The following IMMP2L variants were observed in gnomAD, a reference collection of about 807,000 sequenced individuals.
The protein encoded by IMMP2L is inner mitochondrial membrane peptidase subunit 2.
A neutral mutation model predicts 19.3 loss-of-function variants in IMMP2L; 18 were observed. The ratio of observed to expected loss-of-function variants is 0.93; its 90% CI spans 0.64 to 1.38. The LOEUF (loss-of-function observed/expected upper bound fraction) is 1.38, where lower values mean the gene tolerates loss of function less well. IMMP2L is among the 40% of genes most tolerant of loss of function. The pLI is 0.00. For synonymous variants in IMMP2L, 76 were observed against 73.0 expected, an observed-to-expected ratio of 1.04 and a Z score of -0.21; for missense variants, 233 against 218.2, an observed-to-expected ratio of 1.07 and a Z score of -0.43.
At chr7:111,234,766 T>A (rs988393150) in intron 3 of IMMP2L, among the ~76,000 whole-genome samples, 5 of 152,100 alleles carry the variant, frequency 3.3e-5, no homozygotes, top group Admixed American at 3.3e-4. Flanking sequence ...TTTATACCTT[T>A]AATTTATCAT....
intron 3 of IMMP2L, among the ~76,000 whole-genome samples, chr7:111,052,468 G>A (rs2129573078): frequency 6.6e-6 from 1 of 152,172 alleles, no homozygotes; most frequent in Admixed American, 6.5e-5. Context: ...TCAACCAATT[G>A]CCAATCAGAA....
At chr7:110,865,830 C>T (rs943227109) in intron 5 of IMMP2L, among the ~76,000 whole-genome samples, 2 of 151,758 alleles carry the variant, frequency 1.3e-5, no homozygotes, top group African/African-American at 4.9e-5. Context: ...AAGAACCCTA[C>T]CTTTATTCTC....
At chr7:111,018,649 T>G (rs1825946312) in intron 3 of IMMP2L, among the ~76,000 whole-genome samples, 2 of 152,042 alleles carry the variant, frequency 1.3e-5, no homozygotes, top group African/African-American at 2.4e-5. Context: ...ATTGTTCCCA[T>G]TTCTCGTATA....
intron 3 of IMMP2L, among the ~76,000 whole-genome samples, chr7:111,437,403 C>T (rs1837286525): frequency 6.6e-6 from 1 of 151,836 alleles, no homozygotes; most frequent in Non-Finnish European, 1.5e-5. Context: ...CGAGATCACG[C>T]CCATTGCCCC....
intron 5 of IMMP2L, among the ~76,000 whole-genome samples, chr7:110,788,594 G>A (rs1484924725): frequency 2.0e-5 from 3 of 151,664 alleles, no homozygotes; most frequent in Non-Finnish European, 4.4e-5. Flanking sequence ...TACATCTGTA[G>A]CATAGAACCC....
At chr7:111,506,197 A>AAATAATAAT (rs543586226) in intron 2 of IMMP2L, among the ~76,000 whole-genome samples, 29 of 149,444 alleles carry the variant, frequency 1.9e-4, no homozygotes, top group African/African-American at 5.9e-4. Context: ...TGTCTCTTTA[A>AAATAATAAT]AATAATAATA....
At chr7:111,173,915 A>G (rs1440094670) in intron 3 of IMMP2L, among the ~76,000 whole-genome samples, 2 of 151,748 alleles carry the variant, frequency 1.3e-5, no homozygotes, top group Non-Finnish European at 3.0e-5. Context: ...TGTTGTTCTA[A>G]AAGTATCTAC....
At chr7:111,323,859 G>A (rs1825022410) in intron 3 of IMMP2L, among the ~76,000 whole-genome samples, 1 of 152,182 alleles carries the variant, frequency 6.6e-6, no homozygotes, top group Non-Finnish European at 1.5e-5. Context: ...GATGAAGCTG[G>A]AAACCATCAT....
At chr7:111,258,552 G>T (rs550311681) in intron 3 of IMMP2L, among the ~76,000 whole-genome samples, 36 of 151,976 alleles carry the variant, frequency 2.4e-4, no homozygotes, top group African/African-American at 8.7e-4. Context: ...TGTCGCCCAG[G>T]CTGGAATGCA....
intron 5 of IMMP2L, among the ~76,000 whole-genome samples, chr7:110,817,559 T>G (rs1220653413): frequency 6.6e-6 from 1 of 152,112 alleles, no homozygotes; most frequent in African/African-American, 2.4e-5. Context: ...ATAGATTCCA[T>G]GCCATCCCCG....
intron 3 of IMMP2L, 22 bp from the exon 4 acceptor site, chr7:110,963,587 A>G (rs1414709742): frequency 1.4e-6 from 2 of 1,433,878 alleles, no homozygotes; most frequent in South Asian, 2.4e-5. Context: ...AGATAACATT[A>G]TACAATCAGT....
chr7:110,986,893 A>C (rs917049365), intron 3 of IMMP2L, among the ~76,000 whole-genome samples: 2 of 151,790 alleles, frequency 1.3e-5, no homozygotes, highest in Non-Finnish European at 2.9e-5. Flanking sequence ...AGGGCTCCAC[A>C]TATTTTATCT....
chr7:110,712,429 C>T (rs1794938274), intron 5 of IMMP2L, among the ~76,000 whole-genome samples: 1 of 28,370 alleles, frequency 3.5e-5, no homozygotes, highest in Non-Finnish European at 8.7e-5. Context: ...CAGACAGGGA[C>T]ACTTAAGTCT....
At chr7:111,115,235 G>C (rs1395831261) in intron 3 of IMMP2L, among the ~76,000 whole-genome samples, 1 of 152,084 alleles carries the variant, frequency 6.6e-6, no homozygotes, top group Non-Finnish European at 1.5e-5. Flanking sequence ...TTGTAAATTA[G>C]AATTCCCCAG....
At chr7:111,233,823 T>C (rs1250529515) in intron 3 of IMMP2L, among the ~76,000 whole-genome samples, 1 of 151,972 alleles carries the variant, frequency 6.6e-6, no homozygotes, top group East Asian at 1.9e-4. Context: ...TTATATACCT[T>C]TACCAAACAA....
chr7:111,043,176 T>C (rs1420228596), intron 3 of IMMP2L, among the ~76,000 whole-genome samples: 4 of 152,174 alleles, frequency 2.6e-5, no homozygotes, highest in Non-Finnish European at 4.4e-5. Flanking sequence ...ATCCGTTATA[T>C]CCTCCTTTAA....
intron 3 of IMMP2L, among the ~76,000 whole-genome samples, chr7:110,983,964 C>T (rs915054559): frequency 6.6e-6 from 1 of 151,946 alleles, no homozygotes; most frequent in African/African-American, 2.4e-5. Flanking sequence ...TAGTCTATAG[C>T]CCTATCTCAG....
chr7:110,858,591 CTTTAT>C lies in IMMP2L; in HGVS notation c.408+27997_408+28001del, dbSNP rs773129484. Among the ~76,000 whole-genome samples, 17 of 152,034 alleles carry C rather than the reference CTTTAT, an allele frequency of 1.1e-4. 1 individual carries two copies. Among genetic ancestry groups the C allele is most frequent in the South Asian group, 6.3e-4 (3 of 4,796 alleles). ...GGAATCAAGTATCAATTTTAAAGAA[CTTTAT>C]TTTATTTTATTTTATTATTATTATA... On this transcript the variant is annotated intron_variant, in intron 5 of 5. Coordinates refer to ENST00000405709, the MANE Select transcript of IMMP2L (RefSeq NM_032549.4).
At chr7:111,443,418 G>A (rs1837948586) in intron 3 of IMMP2L, among the ~76,000 whole-genome samples, 1 of 152,138 alleles carries the variant, frequency 6.6e-6, no homozygotes, top group Non-Finnish European at 1.5e-5. Flanking sequence ...ATGCAGAGGA[G>A]GATAAAATCA....
Sources: gnomAD v4.1 joint callset for allele counts (sites outside exome capture counted in the v4.1 genomes callset) on GRCh38, gnomAD v4.1.1 for gene constraint, MANE v1.5 for transcripts, NCBI Gene and HGNC (gene_info 2026-07-23, HGNC 2026-07-21) for gene names.